The following TENM2 variants were observed in gnomAD, a reference collection of about 807,000 sequenced individuals.
The protein encoded by TENM2 is teneurin transmembrane protein 2.
In TENM2, 52 loss-of-function variants were observed where a neutral mutation model predicts 245.2. That is an observed-to-expected ratio of 0.21 (90% CI 0.17 to 0.27). The LOEUF (loss-of-function observed/expected upper bound fraction) is 0.27, where lower values mean the gene tolerates loss of function less well. Among genes scored for constraint, TENM2 ranks in the 10% least tolerant of loss-of-function variants. TENM2 has a pLI of 1.00. For missense variants in TENM2, 3,046 were observed against 3,666.8 expected, an observed-to-expected ratio of 0.83 and a Z score of 4.37; for synonymous variants, 1,363 against 1,438.9, an observed-to-expected ratio of 0.95 and a Z score of 1.19.
At chr5:168,151,919 G>C (rs781694643) in intron 12 of TENM2, among the ~76,000 whole-genome samples, 19 of 152,210 alleles carry the variant, frequency 1.2e-4, no homozygotes, top group Non-Finnish European at 2.1e-4. Flanking sequence ...ATTCCAGGCT[G>C]CCTCTTGGGG....
chr5:167,090,097 T>A, the TENM2 span, among the ~76,000 whole-genome samples: 1 of 152,284 alleles, frequency 6.6e-6, no homozygotes, highest in African/African-American at 2.4e-5. Context: ...CAGGTGGGCT[T>A]ATTTTTCTTT....
At chr5:167,181,089 C>T in the TENM2 span, among the ~76,000 whole-genome samples, 3 of 151,822 alleles carry the variant, frequency 2.0e-5, no homozygotes. Context: ...AGTCTTCAAG[C>T]AGAATAGCAC....
Position 167,932,770 on chromosome 5 carries a change from T to G in TENM2, c.713-19818T>G, listed in dbSNP as rs574560135. On this transcript the variant is annotated intron_variant, in intron 3 of 28. Transcript: ENST00000518659. ...CGCAGTCTCTATCACATATTCTTCT[T>G]TTTCACAATCCTTCAAAAATGTATA... Among the ~76,000 whole-genome samples, 3 of 152,224 alleles carry G rather than the reference T, an allele frequency of 2.0e-5. No individual in the cohort carries two copies. In the East Asian group the frequency reaches 5.8e-4, roughly 30 times the overall value.
intron 2 of TENM2, among the ~76,000 whole-genome samples, chr5:167,832,876 G>A (rs1405718519): frequency 6.6e-6 from 1 of 152,120 alleles, no homozygotes. Context: ...ATTGTAGATA[G>A]TGACAGTATT....
chr5:168,018,585 A>G (rs937348127), intron 5 of TENM2, among the ~76,000 whole-genome samples: 2 of 152,130 alleles, frequency 1.3e-5, no homozygotes, highest in Non-Finnish European at 2.9e-5. Context: ...CTGCCCAGGA[A>G]GTCCCAGGAA....
At chr5:168,098,755 C>T (rs998073834) in intron 9 of TENM2, among the ~76,000 whole-genome samples, 1 of 151,950 alleles carries the variant, frequency 6.6e-6, no homozygotes, top group Non-Finnish European at 1.5e-5. Flanking sequence ...AAGAGCAGAG[C>T]GTCTCACACT....
In TENM2 at chr5:168,015,477, A is replaced by G. The variant is rs75272111; in HGVS notation, c.1186+22295A>G. ...GGCACTGCAGCAGAGAACGAGAATAAAGTGCTTCTGAGTTGAACTGACAGA... is the reference window on the plus strand; with the variant it reads ...GGCACTGCAGCAGAGAACGAGAATAGAGTGCTTCTGAGTTGAACTGACAGA... On this transcript the variant is annotated intron_variant, in intron 5 of 28. Coordinates refer to ENST00000518659, the Ensembl canonical transcript of TENM2. Among the ~76,000 whole-genome samples, 387 of 152,338 alleles carry G rather than the reference A, an allele frequency of 2.5e-3. 1 individual carries two copies. Among genetic ancestry groups the G allele is most frequent in the African/African-American group, 8.9e-3 (370 of 41,586 alleles).
At chr5:167,955,570 AG>A (rs1780486235) in intron 4 of TENM2, among the ~76,000 whole-genome samples, 1 of 152,116 alleles carries the variant, frequency 6.6e-6, no homozygotes, top group African/African-American at 2.4e-5. Flanking sequence ...GGTATTGCCT[AG>A]GTTTTCTTCT....
the TENM2 span, among the ~76,000 whole-genome samples, chr5:167,174,607 T>TAA: frequency 1.3e-5 from 2 of 152,174 alleles, no homozygotes; most frequent in African/African-American, 2.4e-5. Flanking sequence ...TGTATATATA[T>TAA]AATGAACACT....
At chr5:167,123,171 G>T in the TENM2 span, among the ~76,000 whole-genome samples, 1 of 151,562 alleles carries the variant, frequency 6.6e-6, no homozygotes, top group East Asian at 2.0e-4. Context: ...TTAGCCAGGC[G>T]TGGTGCCAGG....
chr5:167,468,460 A>G (rs1421234267), intron 2 of TENM2, among the ~76,000 whole-genome samples: 7 of 152,238 alleles, frequency 4.6e-5, no homozygotes, highest in Non-Finnish European at 7.3e-5. Flanking sequence ...ACTGTCCATC[A>G]TGTGTTGAAA....
chr5:167,190,457 A>C, the TENM2 span, among the ~76,000 whole-genome samples: 2 of 152,030 alleles, frequency 1.3e-5, no homozygotes, highest in Admixed American at 6.6e-5. Flanking sequence ...GGTGGGAGGG[A>C]AATTTTACAG....
chr5:167,288,573 A>G (rs1225646595), intron 1 of TENM2, among the ~76,000 whole-genome samples: 2 of 151,824 alleles, frequency 1.3e-5, no homozygotes, highest in Non-Finnish European at 2.9e-5. Flanking sequence ...AAAAAAAAAA[A>G]AGAAAAAGAA....
chr5:168,046,063 G>A (rs1490988539), intron 5 of TENM2, among the ~76,000 whole-genome samples: 2 of 152,170 alleles, frequency 1.3e-5, no homozygotes, highest in African/African-American at 4.8e-5. Context: ...AAGAGTGTAA[G>A]TGAAAAGCAG....
chr5:167,746,710 A>AGAGAGAGAGC (rs761614775), intron 2 of TENM2, among the ~76,000 whole-genome samples: 1,985 of 144,856 alleles, frequency 0.014, 63 homozygotes, highest in African/African-American at 0.045. Flanking sequence ...AGAGAGAGAG[A>AGAGAGAGAGC]GAGAGCTGGA....
At chr5:166,992,180 T>G in the TENM2 span, among the ~76,000 whole-genome samples, 1 of 152,166 alleles carries the variant, frequency 6.6e-6, no homozygotes, top group East Asian at 1.9e-4. Flanking sequence ...CAATGTTACT[T>G]TAACAACCTC....
chr5:167,217,415 ATTACT>A, the TENM2 span, among the ~76,000 whole-genome samples: 5 of 152,176 alleles, frequency 3.3e-5, no homozygotes, highest in African/African-American at 1.2e-4. Context: ...ACGGACTGAG[ATTACT>A]TTAGGAAGTA....
chr5:167,479,934 A>T (rs902794499), intron 2 of TENM2, among the ~76,000 whole-genome samples: 4 of 152,220 alleles, frequency 2.6e-5, no homozygotes, highest in African/African-American at 9.6e-5. Flanking sequence ...TTTAAAATAC[A>T]GATTTCTGGA....
chr5:167,566,524 G>A (rs1287239650), intron 2 of TENM2, among the ~76,000 whole-genome samples: 2 of 152,168 alleles, frequency 1.3e-5, no homozygotes, highest in African/African-American at 4.8e-5. Context: ...TTTTGTGATT[G>A]TCATGGGTAA....
Sources: gnomAD v4.1 joint callset for allele counts (sites outside exome capture counted in the v4.1 genomes callset) on GRCh38, gnomAD v4.1.1 for gene constraint, MANE v1.5 for transcripts, NCBI Gene and HGNC (gene_info 2026-07-23, HGNC 2026-07-21) for gene names.